The following PRR16 variants were observed in gnomAD, a reference collection of about 807,000 sequenced individuals.
The protein encoded by PRR16 is protein Largen.
In PRR16, 6 loss-of-function variants were observed where a neutral mutation model predicts 18.2. The observed-to-expected ratio is 0.33, with a 90% CI of 0.18 to 0.65. The LOEUF (loss-of-function observed/expected upper bound fraction) is 0.65. PRR16 is among the 30% of genes least tolerant of loss of function. PRR16 has a pLI of 0.74. For missense variants in PRR16, 412 were observed against 376.6 expected, an observed-to-expected ratio of 1.09 and a Z score of -0.78; for synonymous variants, 151 against 147.8, an observed-to-expected ratio of 1.02 and a Z score of -0.16.
intron 1 of PRR16, among the ~76,000 whole-genome samples, chr5:120,592,697 T>A (rs1580763436): frequency 1.3e-5 from 2 of 152,272 alleles, no homozygotes; most frequent in South Asian, 2.1e-4. Context: ...GAGATTTTTG[T>A]CTCCATAACT....
chr5:120,486,802 C>A (rs1225754092), intron 1 of PRR16, among the ~76,000 whole-genome samples: 1 of 152,080 alleles, frequency 6.6e-6, no homozygotes, highest in Non-Finnish European at 1.5e-5. Flanking sequence ...AGTCTTTAAT[C>A]CATCTCGAAT....
chr5:120,475,123 A>G (rs554972219), intron 1 of PRR16, among the ~76,000 whole-genome samples: 2 of 152,298 alleles, frequency 1.3e-5, no homozygotes, highest in South Asian at 4.1e-4. Flanking sequence ...CTTAATCCTC[A>G]TAGCCACCCT....
chr5:120,575,530 C>G (rs1753048100), intron 1 of PRR16, among the ~76,000 whole-genome samples: 1 of 152,058 alleles, frequency 6.6e-6, no homozygotes, highest in Non-Finnish European at 1.5e-5. Flanking sequence ...CATGGTATGT[C>G]AGATCAACAA....
chr5:120,677,465 T>C (rs1031621047), intron 1 of PRR16, among the ~76,000 whole-genome samples: 1 of 152,202 alleles, frequency 6.6e-6, no homozygotes, highest in African/African-American at 2.4e-5. Flanking sequence ...AGGTAGTGTA[T>C]TTACCGGTCT....
At chr5:120,570,978 A>T (rs1752887571) in intron 1 of PRR16, among the ~76,000 whole-genome samples, 1 of 152,150 alleles carries the variant, frequency 6.6e-6, no homozygotes, top group Non-Finnish European at 1.5e-5. Flanking sequence ...AAGAAAATGA[A>T]TAATGTAGGA....
chr5:120,630,255 C>T lies in PRR16; in HGVS notation c.160-55699C>T, dbSNP rs538281848. On this transcript the variant is annotated intron_variant, in intron 1 of 1. Coordinates refer to ENST00000407149, the MANE Select transcript of PRR16 (RefSeq NM_001300783.2). ...TTTGTCTTGTTCATTTTCTTGTTCA[C>T]GTCCTTAGTCAATTTAAACATACTA... 1.5e-4 allele frequency among the ~76,000 whole-genome samples: 23 copies of T among 152,128 alleles called. No homozygotes were observed. In the East Asian group the frequency reaches 4.1e-3, roughly 27 times the overall value.
At chr5:120,775,649 A>G in the PRR16 span, among the ~76,000 whole-genome samples, 1 of 102,814 alleles carries the variant, frequency 9.7e-6, no homozygotes, top group East Asian at 2.7e-4. Context: ...TTTTTTTTTT[A>G]GATGGAGTTT....
intron 1 of PRR16, among the ~76,000 whole-genome samples, chr5:120,472,053 T>C (rs560655978): frequency 8.7e-4 from 133 of 152,286 alleles, no homozygotes; most frequent in African/African-American, 3.1e-3. Context: ...CTTTGTTTTC[T>C]CTCTTTCTAC....
At chr5:120,709,671 A>G in the PRR16 span, among the ~76,000 whole-genome samples, 2 of 151,984 alleles carry the variant, frequency 1.3e-5, no homozygotes, top group Non-Finnish European at 2.9e-5. Context: ...GGTAACCACC[A>G]TTTTACTCTC....
chr5:120,710,805 A>T, the PRR16 span: 2 of 152,274 alleles, frequency 1.3e-5, no homozygotes, highest in African/African-American at 2.4e-5. Flanking sequence ...CCTTGGATAA[A>T]CCTCAGTGGG....
intron 1 of PRR16, among the ~76,000 whole-genome samples, chr5:120,526,750 T>A (rs558519088): frequency 1.2e-4 from 18 of 152,120 alleles, no homozygotes; most frequent in Admixed American, 1.2e-3. Flanking sequence ...TATACAGTAA[T>A]TATTTGCTGT....
intron 1 of PRR16, among the ~76,000 whole-genome samples, chr5:120,555,815 T>TA (rs1491174106): frequency 1.8e-4 from 25 of 138,436 alleles, no homozygotes; most frequent in Non-Finnish European, 2.7e-4. Flanking sequence ...TTTTTTTTTT[T>TA]ATGTTTGAGT....
chr5:120,717,963 T>A, the PRR16 span, among the ~76,000 whole-genome samples: 6 of 152,182 alleles, frequency 3.9e-5, no homozygotes, highest in Non-Finnish European at 8.8e-5. Context: ...AATTTAATAT[T>A]CTGCTTTTTT....
In PRR16 at chr5:120,672,061, G is replaced by A. The variant is rs941515807; in HGVS notation, c.160-13893G>A. The stretch of plus-strand genomic sequence containing the variant: ...CTGCCCTTTGGGAGGTTACAGTCTT[G>A]CCAAGGAGACAAACCTTAAGGGGCT... On this transcript the variant is annotated intron_variant, in intron 1 of 1. Transcript: ENST00000407149. Among the ~76,000 whole-genome samples, 6 of 152,118 alleles carry A rather than the reference G, an allele frequency of 3.9e-5. No individual in the cohort carries two copies. In the East Asian group the frequency reaches 1.2e-3, roughly 29 times the overall value.
chr5:120,589,309 C>T (rs1182714060), intron 1 of PRR16, among the ~76,000 whole-genome samples: 2 of 152,066 alleles, frequency 1.3e-5, no homozygotes, highest in Non-Finnish European at 2.9e-5. Flanking sequence ...TCTGCGGATG[C>T]CACTCTCTTT....
chr5:120,497,984 C>G (rs149278923), intron 1 of PRR16, among the ~76,000 whole-genome samples: 55 of 151,422 alleles, frequency 3.6e-4, no homozygotes, highest in African/African-American at 1.2e-3. Flanking sequence ...TTTACTAACT[C>G]TCTCTTTTAA....
chr5:120,757,625 T>TA, the PRR16 span, among the ~76,000 whole-genome samples: 1 of 152,102 alleles, frequency 6.6e-6, no homozygotes, highest in Non-Finnish European at 1.5e-5. Context: ...TGATTATAAA[T>TA]ACTCCTTGAC....
intron 1 of PRR16, among the ~76,000 whole-genome samples, chr5:120,508,304 C>T (rs1199126420): frequency 1.3e-5 from 2 of 152,100 alleles, no homozygotes; most frequent in African/African-American, 2.4e-5. Context: ...TTACATCATC[C>T]TGGATTGCTT....
At chr5:120,598,295 G>C (rs372457243) in intron 1 of PRR16, among the ~76,000 whole-genome samples, 1 of 151,682 alleles carries the variant, frequency 6.6e-6, no homozygotes, top group East Asian at 1.9e-4. Context: ...ATTTTTGTTA[G>C]TTTAAAATAA....
Sources: allele counts gnomAD v4.1 joint callset (sites outside exome capture counted in the v4.1 genomes callset), GRCh38; gene constraint gnomAD v4.1.1; transcripts MANE v1.5; gene names NCBI Gene and HGNC (gene_info 2026-07-23, HGNC 2026-07-21).